PDGFC: variants seen among roughly 807,000 people sequenced by gnomAD.
PDGFC encodes platelet derived growth factor C.
Under a neutral mutation model 35.5 loss-of-function variants are expected in PDGFC, and 12 were observed. The ratio of observed to expected loss-of-function variants is 0.34; its 90% CI spans 0.22 to 0.55. PDGFC has a LOEUF of 0.55. Ranked by LOEUF, PDGFC falls within the 20% of genes least tolerant of loss-of-function variation. The pLI is 0.91. For missense variants in PDGFC, 322 were observed against 412.4 expected (o/e 0.78, Z 1.90); for synonymous variants, 159 against 148.8 (o/e 1.07, Z -0.50).
intron 1 of PDGFC, chr4:156,876,332 G>A (rs1303203647): frequency 3.3e-5 from 5 of 152,056 alleles, no homozygotes; most frequent in Middle Eastern, 6.8e-3. Flanking sequence ...GTTTACGAAA[G>A]GTTCAAAAAG....
At chr4:156,896,461 G>A (rs2110742672) in intron 1 of PDGFC, among the ~76,000 whole-genome samples, 1 of 152,252 alleles carries the variant, frequency 6.6e-6, no homozygotes, top group African/African-American at 2.4e-5. Context: ...AGCTTTAAAG[G>A]TTAGACTGAA....
chr4:156,852,214 C>T (rs955202565), intron 1 of PDGFC, among the ~76,000 whole-genome samples: 1 of 151,582 alleles, frequency 6.6e-6, no homozygotes, highest in African/African-American at 2.4e-5. Context: ...TGGAGATATG[C>T]TGCACAACAC....
intron 1 of PDGFC, among the ~76,000 whole-genome samples, chr4:156,866,531 G>T (rs1408890482): frequency 1.3e-5 from 2 of 152,028 alleles, no homozygotes; most frequent in Non-Finnish European, 2.9e-5. Context: ...GGGGGGACGT[G>T]TGTGGGTGTG....
At chr4:156,827,456 G>A (rs891013620) in intron 2 of PDGFC, among the ~76,000 whole-genome samples, 3 of 151,366 alleles carry the variant, frequency 2.0e-5, no homozygotes, top group African/African-American at 4.9e-5. Context: ...CTTGTACTTC[G>A]ACAAACGCAA....
intron 1 of PDGFC, among the ~76,000 whole-genome samples, chr4:156,939,594 G>A (rs1560882633): frequency 6.6e-6 from 1 of 152,070 alleles, no homozygotes; most frequent in Admixed American, 6.6e-5. Flanking sequence ...TTAGCCAAAT[G>A]AAATATATGC....
intron 3 of PDGFC, among the ~76,000 whole-genome samples, chr4:156,803,315 G>A (rs1401827548): frequency 2.0e-5 from 3 of 152,048 alleles, no homozygotes; most frequent in African/African-American, 7.2e-5. Flanking sequence ...GAACAGAAAC[G>A]GAAATGTAGT....
intron 3 of PDGFC, among the ~76,000 whole-genome samples, chr4:156,794,696 C>T (rs943133708): frequency 3.3e-5 from 5 of 151,896 alleles, no homozygotes; most frequent in Non-Finnish European, 5.9e-5. Flanking sequence ...ACACTCACTC[C>T]TTCAAACTCA....
chr4:156,782,294 T>C (rs1160257378), intron 3 of PDGFC, among the ~76,000 whole-genome samples: 1 of 152,144 alleles, frequency 6.6e-6, no homozygotes, highest in African/African-American at 2.4e-5. Flanking sequence ...ATTCATATTC[T>C]TTGCCTATAA....
chr4:156,885,808 C>T (rs1282947914), intron 1 of PDGFC, among the ~76,000 whole-genome samples: 1 of 151,982 alleles, frequency 6.6e-6, no homozygotes, highest in Non-Finnish European at 1.5e-5. Context: ...CTGTCTATGC[C>T]CAGGATTTGG....
intron 1 of PDGFC, among the ~76,000 whole-genome samples, chr4:156,885,152 T>C (rs1730343561): frequency 1.5e-5 from 2 of 130,958 alleles, no homozygotes; most frequent in South Asian, 2.7e-4. Flanking sequence ...TGTATGTGCA[T>C]ACATACACAC....
chr4:156,905,666 C>T (rs1730898827), intron 1 of PDGFC, among the ~76,000 whole-genome samples: 1 of 152,038 alleles, frequency 6.6e-6, no homozygotes, highest in Non-Finnish European at 1.5e-5. Flanking sequence ...CTCCTGTCAA[C>T]CATTCAGAAT....
chr4:156,927,342 T>C (rs1003258877), intron 1 of PDGFC, among the ~76,000 whole-genome samples: 1 of 152,192 alleles, frequency 6.6e-6, no homozygotes, highest in African/African-American at 2.4e-5. Context: ...CTTATGCAAA[T>C]TTCTGTAGTC....
chr4:156,817,153 A>T (rs550435574), intron 2 of PDGFC, among the ~76,000 whole-genome samples: 44 of 151,372 alleles, frequency 2.9e-4, no homozygotes, highest in Middle Eastern at 3.4e-3. Flanking sequence ...TGTTATTACT[A>T]AAAAAAAACT....
At chr4:156,953,793 A>G (rs1300235988) in intron 1 of PDGFC, among the ~76,000 whole-genome samples, 1 of 151,956 alleles carries the variant, frequency 6.6e-6, no homozygotes, top group African/African-American at 2.4e-5. Flanking sequence ...GAAGCAGTCT[A>G]TGTTCACTAT....
At chr4:156,848,417 A>T (rs1320270903) in intron 2 of PDGFC, among the ~76,000 whole-genome samples, 1 of 151,958 alleles carries the variant, frequency 6.6e-6, no homozygotes, top group South Asian at 2.1e-4. Flanking sequence ...AGAAAGTCTC[A>T]AAGTTTTATT....
chr4:156,903,460 C>A (rs1730842410), intron 1 of PDGFC, among the ~76,000 whole-genome samples: 1 of 151,976 alleles, frequency 6.6e-6, no homozygotes, highest in Admixed American at 6.6e-5. Flanking sequence ...TGCTTCTCCC[C>A]ATCTAGACAT....
chr4:156,874,263 A>G (rs1299477622), intron 1 of PDGFC, among the ~76,000 whole-genome samples: 2 of 152,210 alleles, frequency 1.3e-5, no homozygotes, highest in Non-Finnish European at 2.9e-5. Flanking sequence ...CATAATACAA[A>G]AGGAAAAAAT....
At chr4:156,935,633 C>T (rs769223921) in intron 1 of PDGFC, among the ~76,000 whole-genome samples, 2 of 152,060 alleles carry the variant, frequency 1.3e-5, no homozygotes, top group Non-Finnish European at 2.9e-5. Context: ...CAGCACATGA[C>T]TATATATTAA....
intron 2 of PDGFC, among the ~76,000 whole-genome samples, chr4:156,834,906 A>G (rs1376348681): frequency 6.6e-6 from 1 of 151,900 alleles, no homozygotes; most frequent in Non-Finnish European, 1.5e-5. Context: ...TGAGTCATAT[A>G]GTTAGTCTGA....
Sources: gnomAD v4.1 joint callset for allele counts (sites outside exome capture counted in the v4.1 genomes callset) on GRCh38, gnomAD v4.1.1 for gene constraint, MANE v1.5 for transcripts, NCBI Gene and HGNC (gene_info 2026-07-23, HGNC 2026-07-21) for gene names.